The following SV2C variants were observed in gnomAD, a reference collection of about 807,000 sequenced individuals.
SV2C encodes solute carrier family 22 member B3.
SV2C carries 49 observed loss-of-function variants against 79.7 expected under a neutral mutation model. The observed-to-expected ratio is 0.61, with a 90% CI of 0.49 to 0.78. The LOEUF is 0.78. Ranked by LOEUF, SV2C falls within the 30% of genes least tolerant of loss-of-function variation. The pLI is 0.00. For missense variants in SV2C, 833 were observed against 912.9 expected, an observed-to-expected ratio of 0.91 and a Z score of 1.13; for synonymous variants, 334 against 333.2, an observed-to-expected ratio of 1.00 and a Z score of -0.03.
At chr5:75,973,754 G>T in the SV2C span, among the ~76,000 whole-genome samples, 3 of 151,956 alleles carry the variant, frequency 2.0e-5, no homozygotes, top group Non-Finnish European at 4.4e-5. Context: ...GTAAGTACTT[G>T]TTGAGAGAAT....
At chr5:75,950,471 T>G in the SV2C span, among the ~76,000 whole-genome samples, 1 of 152,040 alleles carries the variant, frequency 6.6e-6, no homozygotes, top group Non-Finnish European at 1.5e-5. Flanking sequence ...AACAAACATA[T>G]GAAAACTTCT....
the SV2C span, among the ~76,000 whole-genome samples, chr5:75,867,657 T>G: frequency 6.6e-6 from 1 of 152,358 alleles, no homozygotes; most frequent in East Asian, 1.9e-4. Context: ...CCTGGATGTT[T>G]CTTACATAAG....
chr5:76,141,717 A>G lies in SV2C; in HGVS notation c.580+9387A>G, dbSNP rs192837555. Among the ~76,000 whole-genome samples, 25 of 149,492 alleles carry G rather than the reference A, an allele frequency of 1.7e-4. No individual in the cohort carries two copies. The East Asian group carries it at 4.4e-3, about 26-fold the overall frequency. ...TATGTGCCTGTAGTCCCAGCTACTC[A>G]GGAGGCTGAGGCAGGAGAATGGCTT... On this transcript the variant is annotated intron_variant, in intron 2 of 12. Coordinates refer to ENST00000502798, the MANE Select transcript of SV2C (RefSeq NM_014979.4).
the SV2C span, among the ~76,000 whole-genome samples, chr5:75,977,618 C>T: frequency 1.3e-5 from 2 of 152,120 alleles, no homozygotes; most frequent in African/African-American, 4.8e-5. Flanking sequence ...AAAGAAGAGC[C>T]TTCTCCTCAC....
chr5:76,302,084 G>A (rs1412451749), intron 12 of SV2C, among the ~76,000 whole-genome samples: 1 of 152,172 alleles, frequency 6.6e-6, no homozygotes, highest in Non-Finnish European at 1.5e-5. Flanking sequence ...AGGAATTTAA[G>A]TGTGTCCTTA....
the SV2C span, among the ~76,000 whole-genome samples, chr5:75,900,146 T>G: frequency 6.6e-6 from 1 of 152,210 alleles, no homozygotes; most frequent in African/African-American, 2.4e-5. Context: ...GTTGATGCAG[T>G]TCCTTCCTAG....
intron 4 of SV2C, among the ~76,000 whole-genome samples, chr5:76,238,186 C>T (rs1013246918): frequency 6.6e-6 from 1 of 152,062 alleles, no homozygotes; most frequent in African/African-American, 2.4e-5. Flanking sequence ...TTCCTATTAT[C>T]CATCCCTTTG....
the SV2C span, among the ~76,000 whole-genome samples, chr5:76,062,955 G>A: frequency 7.2e-5 from 11 of 152,222 alleles, no homozygotes; most frequent in South Asian, 2.1e-4. Flanking sequence ...ATGGAGAAAC[G>A]TGGAGTGTTA....
intron 2 of SV2C, among the ~76,000 whole-genome samples, chr5:76,176,386 C>T (rs941056227): frequency 6.6e-6 from 1 of 152,178 alleles, no homozygotes; most frequent in East Asian, 1.9e-4. Flanking sequence ...CTCCAGGACA[C>T]ACAGAATTTA....
the SV2C span, among the ~76,000 whole-genome samples, chr5:75,887,282 T>C: frequency 6.6e-6 from 1 of 152,076 alleles, no homozygotes; most frequent in African/African-American, 2.4e-5. Context: ...GCTATGGTTA[T>C]GATATTATAT....
At chr5:76,241,836 A>G (rs952270474) in intron 4 of SV2C, among the ~76,000 whole-genome samples, 3 of 152,246 alleles carry the variant, frequency 2.0e-5, no homozygotes, top group Non-Finnish European at 4.4e-5. Flanking sequence ...CTTTGGAGAC[A>G]TTCTATTAGC....
the SV2C span, among the ~76,000 whole-genome samples, chr5:75,860,866 G>A: frequency 6.6e-6 from 1 of 152,180 alleles, no homozygotes; most frequent in Non-Finnish European, 1.5e-5. Flanking sequence ...ATGGTGCTGG[G>A]ATAGCTGGCT....
At chr5:75,934,349 C>T in the SV2C span, among the ~76,000 whole-genome samples, 2 of 132,444 alleles carry the variant, frequency 1.5e-5, no homozygotes, top group Non-Finnish European at 3.0e-5. Flanking sequence ...TGCAATGGCG[C>T]GATCTCGGCT....
the SV2C span, among the ~76,000 whole-genome samples, chr5:75,848,449 G>T: frequency 3.3e-5 from 5 of 152,196 alleles, no homozygotes; most frequent in African/African-American, 1.2e-4. Flanking sequence ...GGAGAAGGAT[G>T]AAGGAAGACA....
At chr5:76,056,225 C>G in the SV2C span, among the ~76,000 whole-genome samples, 1 of 152,076 alleles carries the variant, frequency 6.6e-6, no homozygotes, top group East Asian at 1.9e-4. Context: ...TTATCAAAGG[C>G]CTTTTCTGCA....
intron 1 of SV2C, among the ~76,000 whole-genome samples, chr5:76,100,409 A>G (rs1298259958): frequency 1.3e-5 from 2 of 152,242 alleles, no homozygotes; most frequent in Non-Finnish European, 2.9e-5. Flanking sequence ...CTCTAGAGAT[A>G]AAAAGTCACA....
chr5:75,988,412 A>G, the SV2C span, among the ~76,000 whole-genome samples: 1 of 152,022 alleles, frequency 6.6e-6, no homozygotes, highest in Non-Finnish European at 1.5e-5. Flanking sequence ...ACTATTTATC[A>G]TAGTATTTTC....
intron 6 of SV2C, among the ~76,000 whole-genome samples, chr5:76,287,511 C>T (rs1747393716): frequency 6.6e-6 from 1 of 152,168 alleles, no homozygotes; most frequent in African/African-American, 2.4e-5. Flanking sequence ...AGAAACCCTC[C>T]CTCCGGACAC....
At chr5:76,068,964 T>G in the SV2C span, among the ~76,000 whole-genome samples, 1 of 152,134 alleles carries the variant, frequency 6.6e-6, no homozygotes, top group South Asian at 2.1e-4. Context: ...TAATACCATC[T>G]GCAAAGTATA....
Sources: allele counts gnomAD v4.1 joint callset (sites outside exome capture counted in the v4.1 genomes callset), GRCh38; gene constraint gnomAD v4.1.1; transcripts MANE v1.5; gene names NCBI Gene and HGNC (gene_info 2026-07-23, HGNC 2026-07-21).